Variants in RP1 observed in about 807,000 individuals in gnomAD.
The protein encoded by RP1 is oxygen-regulated protein 1.
Under a neutral mutation model 14.8 loss-of-function variants are expected in RP1, and 16 were observed. The ratio of observed to expected loss-of-function variants is 1.08; its 90% CI spans 0.73 to 1.65. The LOEUF is 1.65. Among genes scored for constraint, RP1 ranks in the 40% most tolerant of loss-of-function variants. The pLI is 0.00. For synonymous variants in RP1, 876 were observed against 883.6 expected (o/e 0.99, Z 0.15); for missense variants, 2,631 against 2,535.0 (o/e 1.04, Z -0.81).
intron 1 of RP1, among the ~76,000 whole-genome samples, chr8:54,605,300 A>C (rs1805404393): frequency 6.6e-6 from 1 of 152,224 alleles, no homozygotes. Context: ...TTATGCACCC[A>C]GTAGTCATTC....
chr8:54,628,617 T>A lies in RP1; in HGVS notation c.4735T>A (p.Leu1579Ile). 6.2e-7 allele frequency: 1 copy of A among 1,614,006 alleles called. No individual in the cohort carries two copies. Among genetic ancestry groups the A allele is most frequent in the South Asian group, 1.1e-5 (1 of 91,074 alleles). ...AAGTTATTCAGAGTCCTCTCCTGAT[T>A]TAAAAAAATGCATCAAAAGTCCAGT... ...TGSYSESSPD[L>I]KKCIKSPVTS... Residue 1579 changes from leucine (L) to isoleucine (I), a missense_variant, in exon 4 of 4, where the codon TTA becomes ATA. By Grantham distance (5) the Leu-to-Ile change is conservative. Transcript: ENST00000220676.
At chr8:54,761,260 G>T (rs1222094771) in intron 22 of RP1, among the ~76,000 whole-genome samples, 24 of 123,074 alleles carry the variant, frequency 2.0e-4, no homozygotes, top group Non-Finnish European at 2.9e-4. Context: ...TTTTTGAGAC[G>T]GAGTCTTGCT....
At chr8:54,616,242 T>C (rs1399557903) in intron 1 of RP1, 40 bp downstream of exon 1, 1 of 152,254 alleles carries the variant, frequency 6.6e-6, no homozygotes, top group African/African-American at 2.4e-5. Context: ...TTGGAAAATA[T>C]TCTGTTTTGC....
chr8:54,801,645 C>T (rs2129389185), intron 24 of RP1, among the ~76,000 whole-genome samples: 2 of 152,268 alleles, frequency 1.3e-5, no homozygotes, highest in Admixed American at 1.3e-4. Context: ...TCAACCTTCC[C>T]TGCAAGTGCC....
intron 9 of RP1, among the ~76,000 whole-genome samples, chr8:54,678,711 T>C (rs1424016403): frequency 6.6e-6 from 1 of 152,184 alleles, no homozygotes. Context: ...ATTTATTATG[T>C]TTATCATCAT....
At chr8:54,611,659 A>C (rs1002869912), upstream of RP1, among the ~76,000 whole-genome samples, 1 of 151,882 alleles carries the variant, frequency 6.6e-6, no homozygotes, top group East Asian at 1.9e-4. Flanking sequence ...TAGTTGTTTT[A>C]TAGTCTTTGT....
chr8:54,758,221 G>A lies in RP1; in HGVS notation c.3094-701G>A, dbSNP rs185786165. 2.6e-4 allele frequency among the ~76,000 whole-genome samples: 40 copies of A among 151,988 alleles called. 1 individual carries two copies. The highest frequency in any genetic ancestry group is 5.9e-5 in the Non-Finnish European group (4 of 68,016). ...AGATAACTTTAGGACGTTTATTCTC[G>A]ACAACAATCTACGAGAAAGTAATGT... is the stretch of plus-strand genomic sequence containing the variant. On this transcript the variant is annotated intron_variant, in intron 21 of 22. Transcript: ENST00000636932.
intron 25 of RP1, among the ~76,000 whole-genome samples, chr8:54,842,040 C>T (rs1472707925): frequency 2.0e-5 from 3 of 152,032 alleles, no homozygotes; most frequent in Admixed American, 6.5e-5. Flanking sequence ...GAAAATAAGC[C>T]GAAATGCCTG....
At chr8:54,834,568 G>C (rs1811612651) in intron 24 of RP1, among the ~76,000 whole-genome samples, 1 of 151,854 alleles carries the variant, frequency 6.6e-6, no homozygotes, top group Admixed American at 6.6e-5. Context: ...AGCCAGGAAA[G>C]TTTTATTTTC....
intron 12 of RP1, among the ~76,000 whole-genome samples, chr8:54,693,374 T>C (rs1807767225): frequency 1.3e-5 from 2 of 152,164 alleles, no homozygotes; most frequent in African/African-American, 2.4e-5. Flanking sequence ...GGTAGCTTGA[T>C]GGGGATGGCC....
chr8:54,862,825 G>C (rs564982439), intron 27 of RP1, among the ~76,000 whole-genome samples: 1 of 152,196 alleles, frequency 6.6e-6, no homozygotes, highest in East Asian at 1.9e-4. Flanking sequence ...TGGCTGCAGA[G>C]ACATCTGGGA....
chr8:54,693,836 C>A (rs908640485), intron 12 of RP1, among the ~76,000 whole-genome samples: 1 of 152,090 alleles, frequency 6.6e-6, no homozygotes, highest in African/African-American at 2.4e-5. Flanking sequence ...ATTGCCCTGG[C>A]CAGAACTTCC....
intron 17 of RP1, among the ~76,000 whole-genome samples, chr8:54,732,321 G>GT (rs905626969): frequency 2.6e-5 from 4 of 152,096 alleles, no homozygotes; most frequent in Non-Finnish European, 5.9e-5. Flanking sequence ...CTTTTCAGTA[G>GT]TTTTTTATTT....
chr8:54,601,808 C>T (rs1805300270), intron 1 of RP1, among the ~76,000 whole-genome samples: 1 of 152,066 alleles, frequency 6.6e-6, no homozygotes, highest in South Asian at 2.1e-4. Flanking sequence ...AAGCACTATG[C>T]TAAGTGAAAA....
chr8:54,771,729 T>C (rs1340989454), downstream of RP1, among the ~76,000 whole-genome samples: 3 of 152,118 alleles, frequency 2.0e-5, no homozygotes, highest in African/African-American at 4.8e-5. Flanking sequence ...ATGCAACCTT[T>C]AATATTTCTT....
chr8:54,582,491 T>G (rs1321094277), intron 1 of RP1, among the ~76,000 whole-genome samples: 3 of 150,928 alleles, frequency 2.0e-5, no homozygotes, highest in Non-Finnish European at 4.4e-5. Flanking sequence ...TGCGGGCTCT[T>G]TTTTGGTTCC....
At chr8:54,766,912 C>T (rs927949923) in intron 22 of RP1, among the ~76,000 whole-genome samples, 1 of 152,112 alleles carries the variant, frequency 6.6e-6, no homozygotes, top group Non-Finnish European at 1.5e-5. Flanking sequence ...CTTTTTATTC[C>T]ATTCCTTTAA....
At chr8:54,833,530 G>A (rs1321173918) in intron 24 of RP1, among the ~76,000 whole-genome samples, 5 of 151,950 alleles carry the variant, frequency 3.3e-5, no homozygotes, top group African/African-American at 1.2e-4. Flanking sequence ...GATGTATCAA[G>A]ATTTACTTCA....
chr8:54,637,122 T>C (rs1416403498), intron 3 of RP1, among the ~76,000 whole-genome samples: 2 of 152,192 alleles, frequency 1.3e-5, no homozygotes, highest in Non-Finnish European at 2.9e-5. Context: ...GTTAGCCTTG[T>C]ATGCCCTGTT....
Sources: gnomAD v4.1 joint callset for allele counts (sites outside exome capture counted in the v4.1 genomes callset) on GRCh38, gnomAD v4.1.1 for gene constraint, MANE v1.5 for transcripts, NCBI Gene and HGNC (gene_info 2026-07-23, HGNC 2026-07-21) for gene names.